Variants in NLRP1 observed in about 807,000 individuals in gnomAD.
NLRP1 encodes the protein NLR family pyrin domain containing 1.
A neutral mutation model predicts 136.7 loss-of-function variants in NLRP1; 94 were observed. The ratio of observed to expected loss-of-function variants is 0.69; its 90% CI spans 0.58 to 0.82. NLRP1 has a LOEUF of 0.82. NLRP1 is among the 40% of genes least tolerant of loss of function. The pLI is 0.00. For missense variants in NLRP1, 1,575 were observed against 1,802.7 expected (o/e 0.87, Z 2.29); for synonymous variants, 690 against 725.1 (o/e 0.95, Z 0.78).
At chr17:5,577,931 A>T (rs867857123) in intron 3 of NLRP1, among the ~76,000 whole-genome samples, 2,686 of 152,254 alleles carry the variant, frequency 0.018, 68 homozygotes, top group African/African-American at 0.062. Context: ...AATGGAACAG[A>T]ACAGAGCCCT....
At chr17:5,517,350 A>ACACCCCCCC (rs1555542025) in intron 15 of NLRP1, among the ~76,000 whole-genome samples, 1 of 47,380 alleles carries the variant, frequency 2.1e-5, no homozygotes, top group Admixed American at 2.5e-4. Flanking sequence ...TGCACTCTGC[A>ACACCCCCCC]CCCCCCCCCC....
intron 8 of NLRP1, among the ~76,000 whole-genome samples, 198 bp downstream of exon 8, chr17:5,536,653 C>G (rs1425718573): frequency 6.6e-6 from 1 of 152,022 alleles, no homozygotes; most frequent in African/African-American, 2.4e-5. Flanking sequence ...GTTTTCCTTT[C>G]CTTGTTTGTC....
chr17:5,536,139 T>A (rs1438331362), intron 8 of NLRP1, among the ~76,000 whole-genome samples: 1 of 151,722 alleles, frequency 6.6e-6, no homozygotes. Flanking sequence ...ACCCACTGAC[T>A]TTTTCTTGTT....
In NLRP1 at chr17:5,519,848, CTTTTTTTT is replaced by C. The variant is rs755028729; in HGVS notation, c.3915+1025_3915+1032del. On this transcript the variant is annotated intron_variant, in intron 14 of 16. Coordinates refer to ENST00000572272, the MANE Select transcript of NLRP1 (RefSeq NM_033004.4). ...GCATCTTTATGAAAGTAAATCAGGT[CTTTTTTTT>C]TTTTTTTTTTTTTTTTTTGAGACAG... 7.8e-5 allele frequency among the ~76,000 whole-genome samples: 7 copies of C among 90,266 alleles called. No individual in the cohort carries two copies. In the East Asian group the frequency reaches 8.7e-4, roughly 11 times the overall value. 59.2% of individuals were successfully genotyped at this position (90,266 alleles called of 152,430 possible).
downstream of NLRP1, among the ~76,000 whole-genome samples, chr17:5,510,146 A>G (rs528104827): frequency 2.0e-5 from 3 of 150,786 alleles, no homozygotes; most frequent in Admixed American, 2.0e-4. Flanking sequence ...GACTCAAGCA[A>G]TTCATTGGCC....
intron 15 of NLRP1, among the ~76,000 whole-genome samples, chr17:5,506,942 A>G (rs1478607338): frequency 3.3e-5 from 5 of 151,764 alleles, no homozygotes; most frequent in Admixed American, 3.3e-4. Flanking sequence ...GACACATGCA[A>G]TACCATGGAT....
chr17:5,578,248 A>G (rs185698768), intron 3 of NLRP1, among the ~76,000 whole-genome samples: 78 of 152,382 alleles, frequency 5.1e-4, no homozygotes, highest in Admixed American at 1.1e-3. Context: ...ACAAAAGCCA[A>G]AATTGACATA....
intron 6 of NLRP1, among the ~76,000 whole-genome samples, chr17:5,540,099 G>A (rs957507822): frequency 2.0e-5 from 3 of 152,160 alleles, no homozygotes; most frequent in Middle Eastern, 3.2e-3. Context: ...GTCTCAGGAC[G>A]CACTGGGGGA....
intron 3 of NLRP1, among the ~76,000 whole-genome samples, chr17:5,572,711 G>GAA (rs35389652): frequency 7.9e-5 from 9 of 113,758 alleles, no homozygotes; most frequent in Non-Finnish European, 1.1e-4. Flanking sequence ...CTTTGTCTCA[G>GAA]AAAAAAAAAA....
downstream of NLRP1, among the ~76,000 whole-genome samples, chr17:5,510,331 C>A (rs374636969): frequency 3.4e-4 from 52 of 151,922 alleles, 1 homozygote; most frequent in African/African-American, 1.2e-3. Flanking sequence ...GGAATACAGG[C>A]ATGTACCACG....
chr17:5,512,361 G>A (rs1225547126), downstream of NLRP1: 71 of 1,258,106 alleles, frequency 5.6e-5, 2 homozygotes, highest in South Asian at 5.8e-4. Context: ...TGGTTATTTC[G>A]TGATCTGTGG....
intron 15 of NLRP1, chr17:5,503,205 G>C (rs1230118513): frequency 6.6e-6 from 1 of 152,340 alleles, no homozygotes; most frequent in African/African-American, 2.4e-5. Context: ...TGCAATGAGA[G>C]GGTTTTCAAG....
chr17:5,567,353 C>G (rs567810103), intron 3 of NLRP1, among the ~76,000 whole-genome samples: 161 of 151,882 alleles, frequency 1.1e-3, no homozygotes, highest in African/African-American at 3.6e-3. Context: ...TTGAGGTTAC[C>G]ATGAGGCTTG....
In NLRP1 at chr17:5,514,788, C is replaced by T. The variant is rs1220984818; in HGVS notation, c.4388G>A (p.Gly1463Asp). 1 of 1,613,888 alleles carries T rather than the reference C, an allele frequency of 6.2e-7. No homozygotes were observed. The highest frequency in any genetic ancestry group is 8.5e-7 in the Non-Finnish European group (1 of 1,179,984). Residue 1463 changes from glycine to aspartate, a missense_variant, in exon 17 of 17, where the codon GGC becomes GAC. Transcript: ENST00000572272. ...PHLIMELWEK[G>D]SKKGLLPLSS ...GAGTGGCAGGAGTCCCTTTTTGCTG[C>T]CCTTCTCCCAGAGTTCCATAATGAG... is the stretch of plus-strand genomic sequence containing the variant.
intron 12 of NLRP1, among the ~76,000 whole-genome samples, chr17:5,525,813 T>A (rs973900884): frequency 1.3e-5 from 2 of 152,122 alleles, no homozygotes; most frequent in Non-Finnish European, 2.9e-5. Context: ...TGGGTTTGTG[T>A]CTATAAAGCC....
chr17:5,546,743 G>A (rs1206103734), intron 5 of NLRP1, among the ~76,000 whole-genome samples: 1 of 152,174 alleles, frequency 6.6e-6, no homozygotes, highest in Non-Finnish European at 1.5e-5. Context: ...GTTATCAGGG[G>A]CGAGGAGGGG....
In NLRP1 at chr17:5,541,061, T is replaced by G. The variant is rs1911806512; in HGVS notation, c.2699+796A>C. On this transcript the variant is annotated intron_variant, in intron 6 of 16. Transcript: ENST00000572272. The surrounding 1 kb of genome is among the most constrained non-coding windows in gnomAD (Gnocchi z 4.2). ...ACTCTTGTTTCTTTTCTTTTCTTTT[T>G]TAAGAAGGAGTCTCGCTCTGTTGCC... Among the ~76,000 whole-genome samples, 1 of 152,150 alleles carries G rather than the reference T, an allele frequency of 6.6e-6. No individual in the cohort carries two copies. The highest frequency in any genetic ancestry group is 1.5e-5 in the Non-Finnish European group (1 of 68,026).
chr17:5,581,801 G>C (rs1905677572), intron 3 of NLRP1, 58 bp downstream of exon 3: 1 of 1,383,104 alleles, frequency 7.2e-7, no homozygotes, highest in African/African-American at 1.4e-5. Flanking sequence ...GGGACTCTTT[G>C]TCCATACATT....
intron 4 of NLRP1, among the ~76,000 whole-genome samples, chr17:5,556,057 G>A (rs1048011612): frequency 7.3e-5 from 11 of 151,360 alleles, no homozygotes; most frequent in African/African-American, 9.7e-5. Context: ...TCGTGCCACC[G>A]CATGCCAGCC....
Sources: allele counts gnomAD v4.1 joint callset (sites outside exome capture counted in the v4.1 genomes callset), GRCh38; gene constraint gnomAD v4.1.1; non-coding constraint Gnocchi (gnomAD v3.1); transcripts MANE v1.5; gene names NCBI Gene and HGNC (gene_info 2026-07-23, HGNC 2026-07-21).